IFT81: variants seen among roughly 807,000 people sequenced by gnomAD.
IFT81 encodes intraflagellar transport protein 81 homolog.
IFT81 carries 72 observed loss-of-function variants against 102.6 expected under a neutral mutation model. The ratio of observed to expected loss-of-function variants is 0.70; its 90% CI spans 0.58 to 0.85. The LOEUF is 0.85. IFT81 is among the 40% of genes least tolerant of loss of function. The pLI is 0.00. For synonymous variants in IFT81, 237 were observed against 242.7 expected (o/e 0.98, Z 0.22); for missense variants, 723 against 787.3 (o/e 0.92, Z 0.98).
At chr12:110,216,043 A>G (rs1387371729) in intron 18 of IFT81, among the ~76,000 whole-genome samples, 1 of 152,210 alleles carries the variant, frequency 6.6e-6, no homozygotes, top group African/African-American at 2.4e-5. Flanking sequence ...GATAGAATAT[A>G]ACATTTAATA....
chr12:110,188,257 G>A (rs1418367545), intron 12 of IFT81, among the ~76,000 whole-genome samples: 1 of 151,726 alleles, frequency 6.6e-6, no homozygotes, highest in Non-Finnish European at 1.5e-5. Flanking sequence ...GCATGAACCT[G>A]GGAGGCGGAG....
At chr12:110,215,144 T>C (rs1869912797) in intron 18 of IFT81, among the ~76,000 whole-genome samples, 1 of 152,140 alleles carries the variant, frequency 6.6e-6, no homozygotes, top group African/African-American at 2.4e-5. Context: ...TTAATCCTCT[T>C]ATTTAGGCAA....
At position 110,186,941 on chromosome 12, in the gene IFT81, G is replaced by A. The variant is rs546062770; in HGVS notation, c.1339-3979G>A. On this transcript the variant is annotated intron_variant, in intron 12 of 18. Transcript: ENST00000242591. Reference sequence around the variant, plus strand: ...TCCATGTATTTCTTATGGGCTTTGTGTTTTTCTTTTTCTTTTTTTCATTTT... The same window carrying A: ...TCCATGTATTTCTTATGGGCTTTGTATTTTTCTTTTTCTTTTTTTCATTTT... 2.6e-5 allele frequency among the ~76,000 whole-genome samples: 4 copies of A among 151,604 alleles called. No individual in the cohort carries two copies. The East Asian group carries it at 7.8e-4, about 29-fold the overall frequency.
At chr12:110,190,431 C>G (rs1897740793) in intron 12 of IFT81, among the ~76,000 whole-genome samples, 2 of 152,162 alleles carry the variant, frequency 1.3e-5, no homozygotes, top group Admixed American at 1.3e-4. Context: ...TCTGGTTATA[C>G]TATATTTATT....
intron 10 of IFT81, among the ~76,000 whole-genome samples, chr12:110,161,964 T>C (rs1436275590): frequency 2.0e-5 from 3 of 152,242 alleles, no homozygotes; most frequent in Non-Finnish European, 4.4e-5. Flanking sequence ...AGTACAGCTA[T>C]GGTTCGTTTA....
intron 14 of IFT81, among the ~76,000 whole-genome samples, chr12:110,197,790 G>A (rs1350121132): frequency 3.3e-5 from 5 of 151,880 alleles, no homozygotes; most frequent in East Asian, 1.9e-4. Context: ...TTGGCTCACC[G>A]CAACTTCCGC....
chr12:110,210,277 A>G (rs1869234619), intron 18 of IFT81, among the ~76,000 whole-genome samples: 1 of 152,250 alleles, frequency 6.6e-6, no homozygotes, highest in African/African-American at 2.4e-5. Flanking sequence ...CCTCATATTT[A>G]AACTGAAGTA....
At chr12:110,169,640 G>A (rs1475540728) in intron 11 of IFT81, among the ~76,000 whole-genome samples, 1 of 152,176 alleles carries the variant, frequency 6.6e-6, no homozygotes, top group Non-Finnish European at 1.5e-5. Context: ...TCAACCCACT[G>A]CAACCTCCGC....
chr12:110,214,287 A>G (rs1336216767), intron 18 of IFT81, among the ~76,000 whole-genome samples: 1 of 150,416 alleles, frequency 6.6e-6, no homozygotes, highest in African/African-American at 2.4e-5. Flanking sequence ...TTTTTTTGAG[A>G]TAGAGACTCA....
intron 12 of IFT81, among the ~76,000 whole-genome samples, chr12:110,185,972 A>G (rs918813046): frequency 1.3e-5 from 2 of 151,990 alleles, no homozygotes; most frequent in African/African-American, 4.8e-5. Context: ...TACTCTTTTC[A>G]TGGTTCTTCT....
intron 10 of IFT81, among the ~76,000 whole-genome samples, chr12:110,161,674 G>A (rs1896143159): frequency 6.6e-6 from 1 of 151,380 alleles, no homozygotes; most frequent in African/African-American, 2.4e-5. Flanking sequence ...GGCTGGTCTT[G>A]AACTCCTGGG....
intron 14 of IFT81, among the ~76,000 whole-genome samples, chr12:110,200,959 TA>T (rs1056679016): frequency 4.0e-5 from 6 of 151,230 alleles, no homozygotes; most frequent in Non-Finnish European, 8.9e-5. Context: ...TGAAAAAAAT[TA>T]AAAAAAACTT....
chr12:110,199,844 G>A (rs562457346), intron 14 of IFT81, among the ~76,000 whole-genome samples: 1 of 152,086 alleles, frequency 6.6e-6, no homozygotes, highest in African/African-American at 2.4e-5. Context: ...AGGAAACCAC[G>A]GTCATGAAAC....
chr12:110,179,627 A>G (rs1897201209), intron 11 of IFT81, among the ~76,000 whole-genome samples: 1 of 149,612 alleles, frequency 6.7e-6, no homozygotes, highest in Non-Finnish European at 1.5e-5. Context: ...AGGCTGAGGC[A>G]GGAGAATTGC....
At chr12:110,149,583 T>C (rs992062069) in intron 10 of IFT81, among the ~76,000 whole-genome samples, 1 of 152,108 alleles carries the variant, frequency 6.6e-6, no homozygotes, top group African/African-American at 2.4e-5. Context: ...AGAATGGGTG[T>C]AAGGTTTTAT....
At chr12:110,163,106 T>A (rs372966424) in intron 11 of IFT81, 41 bp downstream of exon 11, 6 of 1,546,542 alleles carry the variant, frequency 3.9e-6, no homozygotes, top group Admixed American at 1.9e-5. Context: ...ATGAGTATTG[T>A]TTTTATGTGA....
chr12:110,154,016 C>T (rs1027098188), intron 10 of IFT81, among the ~76,000 whole-genome samples: 4 of 151,728 alleles, frequency 2.6e-5, no homozygotes, highest in South Asian at 2.1e-4. Context: ...CAAAGTCTCG[C>T]TCTGTCACCT....
intron 10 of IFT81, among the ~76,000 whole-genome samples, chr12:110,154,996 C>T (rs1895761184): frequency 6.7e-6 from 1 of 150,026 alleles, no homozygotes; most frequent in African/African-American, 2.4e-5. Context: ...TATTATTATA[C>T]AATTGTCTTT....
chr12:110,186,582 C>T (rs898227836), intron 12 of IFT81, among the ~76,000 whole-genome samples: 3 of 151,022 alleles, frequency 2.0e-5, no homozygotes, highest in African/African-American at 4.9e-5. Context: ...GGTGTGATCT[C>T]GGCTCATTGC....
Sources: allele counts gnomAD v4.1 joint callset (sites outside exome capture counted in the v4.1 genomes callset), GRCh38; gene constraint gnomAD v4.1.1; transcripts MANE v1.5; gene names NCBI Gene and HGNC (gene_info 2026-07-23, HGNC 2026-07-21).